Variants in GULP1 observed in about 807,000 individuals in gnomAD.
GULP1 encodes PTB domain-containing engulfment adapter protein 1.
GULP1 carries 19 observed loss-of-function variants against 40.9 expected under a neutral mutation model. The ratio of observed to expected loss-of-function variants is 0.46; its 90% CI spans 0.32 to 0.68. The LOEUF (loss-of-function observed/expected upper bound fraction) is 0.68, where lower values mean the gene tolerates loss of function less well. Among genes scored for constraint, GULP1 ranks in the 30% least tolerant of loss-of-function variants. The pLI is 0.03. For synonymous variants in GULP1, 119 were observed against 117.6 expected, an observed-to-expected ratio of 1.01 and a Z score of -0.08; for missense variants, 312 against 362.2, an observed-to-expected ratio of 0.86 and a Z score of 1.12.
At chr2:188,316,561 C>T (rs1218700530) in intron 1 of GULP1, among the ~76,000 whole-genome samples, 2 of 152,138 alleles carry the variant, frequency 1.3e-5, no homozygotes, top group African/African-American at 4.8e-5. Flanking sequence ...GTTCACACAG[C>T]GCCCTGACTG....
intron 9 of GULP1, among the ~76,000 whole-genome samples, chr2:188,578,651 A>G (rs1292193630): frequency 6.6e-6 from 1 of 152,144 alleles, no homozygotes; most frequent in African/African-American, 2.4e-5. Flanking sequence ...ATTACCATAT[A>G]ATTTTTGAGC....
intron 1 of GULP1, among the ~76,000 whole-genome samples, chr2:188,299,127 G>A (rs1049830997): frequency 2.8e-5 from 4 of 144,532 alleles, no homozygotes; most frequent in Non-Finnish European, 4.7e-5. Context: ...TGGGAAGGAC[G>A]GTTACAGAGC....
chr2:188,576,027 G>A (rs1335759357), intron 9 of GULP1, among the ~76,000 whole-genome samples: 1 of 152,040 alleles, frequency 6.6e-6, no homozygotes, highest in Non-Finnish European at 1.5e-5. Context: ...CACAAAAGGA[G>A]CAGGAATGTC....
chr2:188,444,740 G>A (rs2058237572), intron 2 of GULP1, among the ~76,000 whole-genome samples: 1 of 152,176 alleles, frequency 6.6e-6, no homozygotes, highest in African/African-American at 2.4e-5. Context: ...ATTATAAGCA[G>A]TCAGTACATT....
chr2:188,505,946 T>G (rs1044033347), intron 4 of GULP1, among the ~76,000 whole-genome samples: 1 of 151,850 alleles, frequency 6.6e-6, no homozygotes, highest in Non-Finnish European at 1.5e-5. Flanking sequence ...CATGACCTTA[T>G]TAATGAGATC....
intron 11 of GULP1, chr2:188,590,549 C>T (rs1418568130): frequency 1.3e-5 from 2 of 151,976 alleles, no homozygotes; most frequent in Non-Finnish European, 2.9e-5. Flanking sequence ...TTAAGAGAAT[C>T]GAATTATTAA....
At chr2:188,414,338 A>G (rs2054304778) in intron 2 of GULP1, among the ~76,000 whole-genome samples, 1 of 151,982 alleles carries the variant, frequency 6.6e-6, no homozygotes. Flanking sequence ...AATTTGGGTC[A>G]TATTCTTTGC....
At chr2:188,584,169 A>T (rs2048138) in intron 9 of GULP1, 96 bp from the exon 10 acceptor site, 824,573 of 825,886 alleles carry the variant, frequency 1, 411,646 homozygotes, top group East Asian at 1. Flanking sequence ...TGCAACTGAA[A>T]TTGTTGTTTA....
intron 2 of GULP1, among the ~76,000 whole-genome samples, chr2:188,418,574 A>C (rs2054910863): frequency 6.6e-6 from 1 of 152,206 alleles, no homozygotes; most frequent in Non-Finnish European, 1.5e-5. Context: ...TGGAGGTTGC[A>C]GTGAGCTGAA....
chr2:188,367,287 TA>T (rs1403688825), intron 1 of GULP1, among the ~76,000 whole-genome samples: 3 of 152,212 alleles, frequency 2.0e-5, no homozygotes, highest in African/African-American at 7.2e-5. Context: ...TCACGATGGT[TA>T]GGGGAGCAGG....
chr2:188,322,957 A>G (rs905004419), intron 1 of GULP1, among the ~76,000 whole-genome samples: 7 of 151,780 alleles, frequency 4.6e-5, no homozygotes, highest in Non-Finnish European at 8.8e-5. Flanking sequence ...TTTACCCTCT[A>G]TTTGCTCTAC....
At chr2:188,425,929 A>G (rs888993784) in intron 2 of GULP1, among the ~76,000 whole-genome samples, 2 of 152,010 alleles carry the variant, frequency 1.3e-5, no homozygotes, top group Non-Finnish European at 2.9e-5. Flanking sequence ...GCCCTTTTTA[A>G]TTTAATTTTT....
At chr2:188,525,619 A>T (rs1308169578) in intron 5 of GULP1, among the ~76,000 whole-genome samples, 1 of 152,086 alleles carries the variant, frequency 6.6e-6, no homozygotes, top group Non-Finnish European at 1.5e-5. Context: ...ATTGATATAT[A>T]GATTAAAAGC....
chr2:188,574,527 G>C (rs1045138209), intron 9 of GULP1, among the ~76,000 whole-genome samples: 2 of 152,116 alleles, frequency 1.3e-5, no homozygotes, highest in African/African-American at 4.8e-5. Context: ...GGGAGGTTGA[G>C]GTGGAAAGAT....
At chr2:188,580,100 C>T (rs999332114) in intron 9 of GULP1, among the ~76,000 whole-genome samples, 1 of 152,042 alleles carries the variant, frequency 6.6e-6, no homozygotes, top group African/African-American at 2.4e-5. Flanking sequence ...TATTTGGGAA[C>T]GAAAAACAAA....
At chr2:188,544,530 A>C (rs1437514955) in intron 7 of GULP1, among the ~76,000 whole-genome samples, 1 of 151,224 alleles carries the variant, frequency 6.6e-6, no homozygotes, top group Non-Finnish European at 1.5e-5. Flanking sequence ...TAAAACTTAA[A>C]GTATTATTAT....
chr2:188,538,607 G>A (rs1005718870), intron 6 of GULP1, among the ~76,000 whole-genome samples: 1 of 151,786 alleles, frequency 6.6e-6, no homozygotes, highest in African/African-American at 2.4e-5. Flanking sequence ...ATCTAAAAAA[G>A]GGATTAAAAA....
chr2:188,402,134 T>G (rs2052384302), intron 2 of GULP1, among the ~76,000 whole-genome samples: 1 of 152,128 alleles, frequency 6.6e-6, no homozygotes, highest in Non-Finnish European at 1.5e-5. Context: ...AACACTCACA[T>G]CATCTTTAGG....
chr2:188,522,225 A>G (rs1233533986), intron 4 of GULP1, among the ~76,000 whole-genome samples: 1 of 152,178 alleles, frequency 6.6e-6, no homozygotes, highest in Non-Finnish European at 1.5e-5. Context: ...GATGAGTCTC[A>G]TAAGTGGAAA....
Sources: allele counts gnomAD v4.1 joint callset (sites outside exome capture counted in the v4.1 genomes callset), GRCh38; gene constraint gnomAD v4.1.1; transcripts MANE v1.5; gene names NCBI Gene and HGNC (gene_info 2026-07-23, HGNC 2026-07-21).